ECHDC1: variants seen among roughly 807,000 people sequenced by gnomAD.
ECHDC1 encodes the protein ethylmalonyl-CoA decarboxylase 1.
A neutral mutation model predicts 29.7 loss-of-function variants in ECHDC1; 29 were observed. The ratio of observed to expected loss-of-function variants is 0.98; its 90% CI spans 0.73 to 1.33. ECHDC1 has a LOEUF of 1.33. Among genes scored for constraint, ECHDC1 ranks in the 40% most tolerant of loss-of-function variants. ECHDC1 has a pLI of 0.00. For synonymous variants in ECHDC1, 126 were observed against 123.1 expected (o/e 1.02, Z -0.15); for missense variants, 328 against 350.0 (o/e 0.94, Z 0.50).
rs78810490 is a variant in ECHDC1 at position 127,294,003 on chromosome 6, T to G, written c.498-3726A>C. 4.2e-4 allele frequency among the ~76,000 whole-genome samples: 64 copies of G among 152,336 alleles called. No individual in the cohort carries two copies. In the East Asian group the frequency reaches 0.011, roughly 27 times the overall value. On this transcript the variant is annotated intron_variant, in intron 5 of 5. Coordinates refer to ENST00000454859, the MANE Select transcript of ECHDC1 (RefSeq NM_001002030.2). Reference sequence around the variant, plus strand: ...TGCCAAATAAAGTTAGAAATAATACTGTATTCTAATACAGATATGGTTGAA... The same window carrying G: ...TGCCAAATAAAGTTAGAAATAATACGGTATTCTAATACAGATATGGTTGAA...
chr6:127,336,664 C>G (rs1288923520), intron 1 of ECHDC1, among the ~76,000 whole-genome samples: 1 of 152,086 alleles, frequency 6.6e-6, no homozygotes, highest in Non-Finnish European at 1.5e-5. Flanking sequence ...CTAAGGCACA[C>G]AGAACTGTAT....
intron 1 of ECHDC1, among the ~76,000 whole-genome samples, chr6:127,331,585 G>A (rs559649214): frequency 1.3e-5 from 2 of 152,230 alleles, no homozygotes; most frequent in African/African-American, 4.8e-5. Flanking sequence ...CATAATTACA[G>A]TATATTTACT....
chr6:127,313,039 T>A (rs1439342930), intron 5 of ECHDC1: 1 of 152,172 alleles, frequency 6.6e-6, no homozygotes, highest in African/African-American at 2.4e-5. Context: ...ATGAACTGAC[T>A]GGGAAGAGGC....
At chr6:127,341,994 G>C (rs1470138487) in intron 1 of ECHDC1, among the ~76,000 whole-genome samples, 2 of 152,182 alleles carry the variant, frequency 1.3e-5, no homozygotes, top group African/African-American at 4.8e-5. Flanking sequence ...CCCTCACACA[G>C]CCAAAATGCA....
At chr6:127,310,574 G>A (rs935396723) in intron 5 of ECHDC1, among the ~76,000 whole-genome samples, 6 of 152,116 alleles carry the variant, frequency 3.9e-5, no homozygotes, top group Non-Finnish European at 8.8e-5. Context: ...GATAAAACCT[G>A]ACTAGATGAG....
intron 5 of ECHDC1, among the ~76,000 whole-genome samples, chr6:127,300,243 TG>T (rs1780952293): frequency 6.6e-6 from 1 of 152,206 alleles, no homozygotes; most frequent in Non-Finnish European, 1.5e-5. Context: ...CACTTTTCAC[TG>T]GCAATCAAAC....
At chr6:127,302,716 T>A (rs1781145905) in intron 5 of ECHDC1, among the ~76,000 whole-genome samples, 2 of 152,146 alleles carry the variant, frequency 1.3e-5, no homozygotes, top group African/African-American at 4.8e-5. Flanking sequence ...TTCTTTTAAT[T>A]ATATACTTAG....
At chr6:127,327,963 G>A (rs966324508) in intron 2 of ECHDC1, among the ~76,000 whole-genome samples, 1 of 152,286 alleles carries the variant, frequency 6.6e-6, no homozygotes, top group Non-Finnish European at 1.5e-5. Flanking sequence ...CCTCTGCCTA[G>A]GCAATGCTTT....
intron 3 of ECHDC1, among the ~76,000 whole-genome samples, chr6:127,322,252 G>A (rs919651440): frequency 6.6e-6 from 1 of 151,950 alleles, no homozygotes. Flanking sequence ...GTTGCAGTGA[G>A]TCGAGATCGC....
Position 127,330,889 on chromosome 6 carries a change from C to A in ECHDC1, c.140G>T (p.Gly47Val), listed in dbSNP as rs1466084170. The change falls in exon 2 of 6, where the codon GGA (glycine) becomes GTA (valine). Residue 47 changes from glycine to valine, a missense_variant. Gly to Val is a moderately radical substitution (Grantham distance 109). Coordinates refer to ENST00000454859, the MANE Select transcript of ECHDC1 (RefSeq NM_001002030.2). The stretch of plus-strand genomic sequence containing the variant: ...GTCTTCCTTCTGAAGGTCAATGGAT[C>A]CACCAGGAAACTGCTGAAGTGTTTT... ...VKKTLQQFPG[G>V]SIDLQKEDNG... 1 of 1,614,090 alleles carries A rather than the reference C, an allele frequency of 6.2e-7. No homozygotes were observed. The highest frequency in any genetic ancestry group is 8.5e-7 in the Non-Finnish European group (1 of 1,179,996).
chr6:127,298,724 C>CATTACAAA (rs1279617070), intron 5 of ECHDC1, among the ~76,000 whole-genome samples: 5 of 152,070 alleles, frequency 3.3e-5, no homozygotes, highest in Non-Finnish European at 7.4e-5. Flanking sequence ...TGTCATAGAA[C>CATTACAAA]AATGCTTTAC....
intron 5 of ECHDC1, among the ~76,000 whole-genome samples, chr6:127,313,992 A>G (rs12199287): frequency 0.054 from 8,151 of 152,298 alleles, 305 homozygotes; most frequent in Non-Finnish European, 0.079. Flanking sequence ...TCAAGTAGAT[A>G]AAAGTGTCAA....
At chr6:127,342,322 T>TC in intron 1 of ECHDC1, 1 of 1,536,028 alleles carries the variant, frequency 6.5e-7, no homozygotes, top group Middle Eastern at 1.7e-4. Context: ...AAATCAACTC[T>TC]CCAACTACCC....
At chr6:127,298,846 C>A (rs1049965101) in intron 5 of ECHDC1, among the ~76,000 whole-genome samples, 1 of 151,770 alleles carries the variant, frequency 6.6e-6, no homozygotes, top group Admixed American at 6.6e-5. Context: ...TAATAAATGA[C>A]CATGTTAATG....
At chr6:127,307,413 G>A (rs367742962) in intron 5 of ECHDC1, among the ~76,000 whole-genome samples, 60 of 151,870 alleles carry the variant, frequency 4.0e-4, no homozygotes, top group African/African-American at 1.4e-3. Context: ...GGCAGATCAC[G>A]AGGTCAGGAG....
intron 1 of ECHDC1, among the ~76,000 whole-genome samples, chr6:127,341,995 C>CA (rs1159951723): frequency 6.6e-6 from 1 of 152,264 alleles, no homozygotes; most frequent in African/African-American, 2.4e-5. Context: ...CCTCACACAG[C>CA]CAAAATGCAC....
chr6:127,311,378 A>G (rs1285523439), intron 5 of ECHDC1, among the ~76,000 whole-genome samples: 1 of 152,174 alleles, frequency 6.6e-6, no homozygotes, highest in Non-Finnish European at 1.5e-5. Flanking sequence ...AATGTTAACC[A>G]TAAGAAAACT....
chr6:127,316,443 G>A lies in ECHDC1; in HGVS notation c.416+7C>T. ...GAAATCATATTTTAAAAAGAAGGCT[G>A]CATTACCTCATAAATCTTGTTAAGG... On this transcript the variant is annotated splice_region_variant and intron_variant, in intron 4 of 5. Transcript: ENST00000454859. 1.9e-6 allele frequency: 3 copies of A among 1,600,052 alleles called. No individual in the cohort carries two copies. Among genetic ancestry groups the A allele is most frequent in the Non-Finnish European group, 2.6e-6 (3 of 1,173,776 alleles).
intron 1 of ECHDC1, among the ~76,000 whole-genome samples, chr6:127,339,780 A>C: frequency 6.6e-6 from 1 of 151,854 alleles, no homozygotes; most frequent in Non-Finnish European, 1.5e-5. Flanking sequence ...GTCTCAAAAA[A>C]AAAAAAAAAG....
Sources: allele counts gnomAD v4.1 joint callset (sites outside exome capture counted in the v4.1 genomes callset), GRCh38; gene constraint gnomAD v4.1.1; transcripts MANE v1.5; gene names NCBI Gene and HGNC (gene_info 2026-07-23, HGNC 2026-07-21).